Variants in ITSN1 observed in about 807,000 individuals in gnomAD.
The protein encoded by ITSN1 is intersectin-1.
Under a neutral mutation model 239.8 loss-of-function variants are expected in ITSN1, and 58 were observed. The ratio of observed to expected loss-of-function variants is 0.24; its 90% CI spans 0.20 to 0.30. The LOEUF (loss-of-function observed/expected upper bound fraction) is 0.30. Among genes scored for constraint, ITSN1 ranks in the 10% least tolerant of loss-of-function variants. The pLI is 1.00. For missense variants in ITSN1, 1,558 were observed against 2,103.3 expected, an observed-to-expected ratio of 0.74 and a Z score of 5.07; for synonymous variants, 780 against 770.8, an observed-to-expected ratio of 1.01 and a Z score of -0.20.
chr21:33,706,617 CTTTT>C (rs35915568), intron 1 of ITSN1, among the ~76,000 whole-genome samples: 1 of 152,014 alleles, frequency 6.6e-6, no homozygotes, highest in Non-Finnish European at 1.5e-5. Flanking sequence ...AAGAAATTTT[CTTTT>C]TGTCAGCTTT....
At chr21:33,722,259 T>G (rs2147103065) in intron 3 of ITSN1, among the ~76,000 whole-genome samples, 1 of 152,314 alleles carries the variant, frequency 6.6e-6, no homozygotes, top group South Asian at 2.1e-4. Context: ...AAAGTATGGG[T>G]CATCAGTTTC....
chr21:33,661,380 A>G (rs772884857), intron 1 of ITSN1, among the ~76,000 whole-genome samples: 84 of 152,258 alleles, frequency 5.5e-4, no homozygotes, highest in Non-Finnish European at 2.8e-4. Context: ...AAGGGCTGAG[A>G]TTTAATAAAG....
intron 34 of ITSN1, among the ~76,000 whole-genome samples, chr21:33,878,647 T>C (rs999793519): frequency 2.6e-5 from 4 of 152,176 alleles, no homozygotes; most frequent in African/African-American, 9.7e-5. Context: ...CCACCTTCAG[T>C]GTTGGTGTGG....
chr21:33,774,980 C>T lies in ITSN1; in HGVS notation c.1468C>T (p.His490Tyr), dbSNP rs1225118460. ...FELEALNDKK[H>Y]QLEGKLQDIR... is the part of the protein sequence containing the mutation. Reference sequence around the variant, plus strand: ...TCATTTGTTCAAGAATGATAAAAAGCATCAACTAGAAGGGAAACTTCAAGA... The same window carrying T: ...TCATTTGTTCAAGAATGATAAAAAGTATCAACTAGAAGGGAAACTTCAAGA... Residue 490 changes from histidine (H) to tyrosine (Y), a missense_variant, in exon 14 of 40, where the codon CAT becomes TAT. Transcript: ENST00000381318. The T allele has an allele frequency of 6.2e-7, 1 of 1,611,728 alleles. No homozygotes were observed. The highest frequency in any genetic ancestry group is 1.1e-5 in the South Asian group (1 of 90,424).
chr21:33,819,844 C>T (rs924381108), intron 24 of ITSN1, among the ~76,000 whole-genome samples: 3 of 151,410 alleles, frequency 2.0e-5, no homozygotes, highest in African/African-American at 4.9e-5. Flanking sequence ...TAGCCGGGCG[C>T]GGTGGCGGGC....
At position 33,865,333 on chromosome 21, in the gene ITSN1, A is replaced by G; in HGVS notation, c.4073A>G (p.Lys1358Arg). 1 of 1,556,676 alleles carries G rather than the reference A, an allele frequency of 6.4e-7. No homozygotes were observed. The highest frequency in any genetic ancestry group is 1.2e-5 in the South Asian group (1 of 83,482). Reference protein sequence around the residue: ...DEAPDFKEFVKRLAMDPRCKG... With the variant: ...DEAPDFKEFVRRLAMDPRCKG... ...GCCCCAGACTTCAAGGAGTTCGTCAAAGTAAGGAGCCAGGCTGTGCAGAGA... is the reference window on the plus strand; with the variant it reads ...GCCCCAGACTTCAAGGAGTTCGTCAGAGTAAGGAGCCAGGCTGTGCAGAGA... The change falls in exon 32 of 40, where the codon AAA (lysine) becomes AGA (arginine). Residue 1358 changes from lysine to arginine, a missense_variant and splice_region_variant. Physicochemically the swap from Lys to Arg is conservative, Grantham distance 26 (BLOSUM62 2). Coordinates refer to ENST00000381318, the MANE Select transcript of ITSN1 (RefSeq NM_003024.3). The surrounding 1 kb of genome is among the most constrained non-coding windows in gnomAD (Gnocchi z 4.4).
At chr21:33,665,262 C>CA (rs564344337) in intron 1 of ITSN1, among the ~76,000 whole-genome samples, 18 of 144,906 alleles carry the variant, frequency 1.2e-4, no homozygotes, top group South Asian at 6.6e-4. Context: ...GACTCTGTCT[C>CA]AAAAAAAAAG....
chr21:33,666,929 A>G (rs1249150324), intron 1 of ITSN1, among the ~76,000 whole-genome samples: 7 of 152,096 alleles, frequency 4.6e-5, no homozygotes, highest in Non-Finnish European at 7.4e-5. Flanking sequence ...CAGCCTCCCA[A>G]CTGGGACTGC....
intron 33 of ITSN1, among the ~76,000 whole-genome samples, chr21:33,871,899 A>G (rs1234894307): frequency 6.6e-6 from 1 of 152,172 alleles, no homozygotes; most frequent in Non-Finnish European, 1.5e-5. Flanking sequence ...GTTGGGCCTC[A>G]GTTTCTTGTC....
At chr21:33,694,497 T>C (rs2091703960) in intron 1 of ITSN1, among the ~76,000 whole-genome samples, 1 of 152,210 alleles carries the variant, frequency 6.6e-6, no homozygotes, top group Admixed American at 6.5e-5. Context: ...TTGGGTAAAA[T>C]GGAAAGAACA....
chr21:33,778,920 T>G (rs932923594), intron 14 of ITSN1, among the ~76,000 whole-genome samples: 1 of 152,154 alleles, frequency 6.6e-6, no homozygotes, highest in Non-Finnish European at 1.5e-5. Context: ...GTATCTGTAG[T>G]GATGTCTCTT....
intron 1 of ITSN1, among the ~76,000 whole-genome samples, chr21:33,717,590 A>C (rs2065226832): frequency 6.6e-6 from 1 of 151,874 alleles, no homozygotes; most frequent in African/African-American, 2.4e-5. Context: ...GAGTCTGGCT[A>C]AGTCACCCAG....
Position 33,754,388 on chromosome 21 carries a change from A to G in ITSN1, c.624-909A>G, listed in dbSNP as rs953680412. On this transcript the variant is annotated intron_variant, in intron 7 of 39. Transcript: ENST00000381318. ...GATTAAAAAGTTCAGTATTTCAGTA[A>G]GATTGTGCTTTTACATGTTTGAATA... 3.9e-5 allele frequency among the ~76,000 whole-genome samples: 6 copies of G among 152,218 alleles called. No homozygotes were observed. The East Asian group carries it at 1.2e-3, about 29-fold the overall frequency.
intron 1 of ITSN1, among the ~76,000 whole-genome samples, chr21:33,687,259 T>C (rs1179632120): frequency 6.6e-6 from 1 of 151,724 alleles, no homozygotes; most frequent in East Asian, 1.9e-4. Context: ...TTATTTGGGC[T>C]TGGTGACGTG....
At chr21:33,654,324 G>T (rs1048821400) in intron 1 of ITSN1, among the ~76,000 whole-genome samples, 2 of 151,216 alleles carry the variant, frequency 1.3e-5, no homozygotes, top group African/African-American at 2.4e-5. Context: ...CCCAAGTGCT[G>T]GGCTTACGGG....
At chr21:33,742,415 CAG>C (rs2066917383) in intron 5 of ITSN1, among the ~76,000 whole-genome samples, 1 of 152,090 alleles carries the variant, frequency 6.6e-6, no homozygotes, top group Non-Finnish European at 1.5e-5. Flanking sequence ...ACAAACAAAA[CAG>C]AATTGTGTAC....
Position 33,836,511 on chromosome 21 carries a change from G to A in ITSN1, c.3540G>A (p.Gln1180=). ...NDDELAFNKG[Q]IINVLNKEDP... Reference sequence around the variant, plus strand: ...ATGAGCTGGCCTTCAACAAGGGCCAGATCATCAACGTCCTCAACAAGGAGG... The same window carrying A: ...ATGAGCTGGCCTTCAACAAGGGCCAAATCATCAACGTCCTCAACAAGGAGG... The change falls in exon 29 of 40, where the codon CAG becomes CAA. Residue 1180 remains glutamine, a synonymous_variant. Transcript: ENST00000381318. 6.2e-7 allele frequency: 1 copy of A among 1,614,164 alleles called. No homozygotes were observed. Among genetic ancestry groups the A allele is most frequent in the Non-Finnish European group, 8.5e-7 (1 of 1,179,996 alleles).
At chr21:33,675,492 G>A (rs891029635) in intron 1 of ITSN1, among the ~76,000 whole-genome samples, 1 of 152,092 alleles carries the variant, frequency 6.6e-6, no homozygotes, top group Non-Finnish European at 1.5e-5. Flanking sequence ...ACTTGAACCC[G>A]GGACGGGGAG....
chr21:33,761,504 GA>G (rs1394853798), intron 8 of ITSN1, among the ~76,000 whole-genome samples: 1 of 151,790 alleles, frequency 6.6e-6, no homozygotes, highest in African/African-American at 2.4e-5. Flanking sequence ...AATCTTCCCT[GA>G]ATTTGCCTGA....
Sources: allele counts gnomAD v4.1 joint callset (sites outside exome capture counted in the v4.1 genomes callset), GRCh38; gene constraint gnomAD v4.1.1; non-coding constraint Gnocchi (gnomAD v3.1); transcripts MANE v1.5; gene names NCBI Gene and HGNC (gene_info 2026-07-23, HGNC 2026-07-21).